The following IFT74 variants were observed in gnomAD, a reference collection of about 807,000 sequenced individuals.
The protein encoded by IFT74 is intraflagellar transport 74.
A neutral mutation model predicts 96.7 loss-of-function variants in IFT74; 92 were observed. The ratio of observed to expected loss-of-function variants is 0.95; its 90% CI spans 0.80 to 1.13. The LOEUF (loss-of-function observed/expected upper bound fraction) is 1.13, where lower values mean the gene tolerates loss of function less well. IFT74 is among the 50% of genes most tolerant of loss of function. IFT74 has a pLI of 0.00. For missense variants in IFT74, 811 were observed against 698.2 expected (o/e 1.16, Z -1.82); for synonymous variants, 223 against 213.2 (o/e 1.05, Z -0.40).
At position 26,988,324 on chromosome 9, in the gene IFT74, T is replaced by C. The variant is rs369860368; in HGVS notation, c.466-345T>C. ...ATGTTGGCAGGGGAAGAGAGGGTGATAGATCTTTCCAAAACTCTCGTCTGT... is the reference window on the plus strand; with the variant it reads ...ATGTTGGCAGGGGAAGAGAGGGTGACAGATCTTTCCAAAACTCTCGTCTGT... On this transcript the variant is annotated intron_variant, in intron 6 of 19. Coordinates refer to ENST00000380062, the MANE Select transcript of IFT74 (RefSeq NM_025103.4). Among the ~76,000 whole-genome samples, 34 of 152,274 alleles carry C rather than the reference T, an allele frequency of 2.2e-4. No individual in the cohort carries two copies. In the East Asian group the frequency reaches 5.6e-3, roughly 25 times the overall value.
intron 1 of IFT74, among the ~76,000 whole-genome samples, chr9:26,958,291 C>T (rs1283010190): frequency 1.3e-5 from 2 of 152,088 alleles, no homozygotes; most frequent in Non-Finnish European, 2.9e-5. Flanking sequence ...TGCATGGTAG[C>T]ATGTAGAACA....
At chr9:26,999,761 C>A (rs1587322543) in intron 8 of IFT74, 533 of 637,776 alleles carry the variant, frequency 8.4e-4, no homozygotes, top group Non-Finnish European at 1.2e-3. Flanking sequence ...TCTTTTGAAT[C>A]TGTTTATTCT....
chr9:26,947,733 C>T (rs1015217587), intron 1 of IFT74, among the ~76,000 whole-genome samples: 3 of 152,144 alleles, frequency 2.0e-5, no homozygotes, highest in African/African-American at 7.2e-5. Flanking sequence ...TTGAACTATT[C>T]CTCCGTTTCA....
At chr9:26,989,910 G>A (rs1827793146) in intron 7 of IFT74, among the ~76,000 whole-genome samples, 1 of 152,068 alleles carries the variant, frequency 6.6e-6, no homozygotes, top group African/African-American at 2.4e-5. Context: ...GAAGAACAAT[G>A]AATATTTTTG....
chr9:26,996,290 T>C (rs764361849), intron 8 of IFT74: 1 of 1,394,674 alleles, frequency 7.2e-7, no homozygotes, highest in Non-Finnish European at 9.9e-7. Context: ...GCAGTGTTAA[T>C]ATATAGAACC....
At chr9:26,976,937 G>T (rs1827156044) in intron 2 of IFT74, among the ~76,000 whole-genome samples, 1 of 152,022 alleles carries the variant, frequency 6.6e-6, no homozygotes, top group African/African-American at 2.4e-5. Context: ...TACTTACATG[G>T]TCATCTTAGG....
rs113658068 is a variant in IFT74, at chr9:26,949,293, C to A, written c.-20+2147C>A. Among the ~76,000 whole-genome samples, 1,199 of 152,298 alleles carry A rather than the reference C, an allele frequency of 7.9e-3. 20 individuals are homozygous for A. The highest frequency in any genetic ancestry group is 0.028 in the African/African-American group (1,148 of 41,564). On this transcript the variant is annotated intron_variant, in intron 1 of 19. Transcript: ENST00000433700. Reference sequence around the variant, plus strand: ...TAGATAGTATTATTCCCATTTCACACATGAAGAATTTGCCTTGTTTAAAAA... The same window carrying A: ...TAGATAGTATTATTCCCATTTCACAAATGAAGAATTTGCCTTGTTTAAAAA...
intron 1 of IFT74, among the ~76,000 whole-genome samples, chr9:26,959,027 G>T (rs1254715944): frequency 6.6e-6 from 1 of 152,230 alleles, no homozygotes; most frequent in African/African-American, 2.4e-5. Context: ...GAATCAAACG[G>T]TAGCAATCCA....
intron 10 of IFT74, among the ~76,000 whole-genome samples, chr9:27,012,373 C>A (rs1319437818): frequency 6.6e-6 from 1 of 152,072 alleles, no homozygotes; most frequent in Non-Finnish European, 1.5e-5. Flanking sequence ...CAGGCAGGAA[C>A]CACCACACCT....
At chr9:27,037,286 T>C (rs1373404531) in intron 13 of IFT74, among the ~76,000 whole-genome samples, 1 of 148,674 alleles carries the variant, frequency 6.7e-6, no homozygotes, top group Non-Finnish European at 1.5e-5. Flanking sequence ...AGACAAAATA[T>C]CACAGAAGCA....
At chr9:26,947,240 C>T in intron 1 of IFT74, 1 of 586,464 alleles carries the variant, frequency 1.7e-6, no homozygotes, top group African/African-American at 2.0e-5. Context: ...ACACAGCAAG[C>T]CTGACAGGCA....
chr9:27,060,766 G>T (rs1820381753), intron 19 of IFT74, 115 bp downstream of exon 19: 2 of 582,326 alleles, frequency 3.4e-6, no homozygotes, highest in African/African-American at 3.8e-5. Context: ...AGACCACCCT[G>T]GCTAACACGG....
At chr9:27,060,765 T>C in intron 19 of IFT74, 114 bp downstream of exon 19, 1 of 587,556 alleles carries the variant, frequency 1.7e-6, no homozygotes, top group South Asian at 2.8e-5. Context: ...GAGACCACCC[T>C]GGCTAACACG....
chr9:27,052,708 T>A (rs918802363), intron 16 of IFT74, among the ~76,000 whole-genome samples: 4 of 152,198 alleles, frequency 2.6e-5, no homozygotes, highest in Admixed American at 6.5e-5. Context: ...GTTTTCATTT[T>A]AACTTCAACC....
chr9:26,992,905 A>G (rs970151896), intron 8 of IFT74, among the ~76,000 whole-genome samples: 3 of 152,066 alleles, frequency 2.0e-5, no homozygotes, highest in Non-Finnish European at 2.9e-5. Flanking sequence ...CAATACAACC[A>G]TTTAGTGTGG....
intron 6 of IFT74, among the ~76,000 whole-genome samples, chr9:26,986,435 C>T (rs1179509251): frequency 6.6e-6 from 1 of 151,386 alleles, no homozygotes; most frequent in Non-Finnish European, 1.5e-5. Flanking sequence ...CCCACCTAAG[C>T]CTCCCAAGCA....
chr9:26,997,356 C>CA (rs1828216688), intron 8 of IFT74, among the ~76,000 whole-genome samples: 1 of 111,628 alleles, frequency 9.0e-6, no homozygotes, highest in Non-Finnish European at 1.7e-5. Flanking sequence ...TTTTTTGAGA[C>CA]AGAGTCTCAC....
chr9:27,056,306 C>T (rs1820154324), intron 17 of IFT74, 28 bp from the exon 18 acceptor site: 1 of 1,483,182 alleles, frequency 6.7e-7, no homozygotes, highest in Non-Finnish European at 9.2e-7. Flanking sequence ...TTTTCTATAA[C>T]CTGTCACTTC....
intron 8 of IFT74, among the ~76,000 whole-genome samples, chr9:27,004,832 T>C (rs1410878754): frequency 6.6e-6 from 1 of 152,090 alleles, no homozygotes; most frequent in Non-Finnish European, 1.5e-5. Flanking sequence ...CATTTTTACC[T>C]AGCATATGAT....
Sources: gnomAD v4.1 joint callset for allele counts (sites outside exome capture counted in the v4.1 genomes callset) on GRCh38, gnomAD v4.1.1 for gene constraint, MANE v1.5 for transcripts, NCBI Gene and HGNC (gene_info 2026-07-23, HGNC 2026-07-21) for gene names.